HEATR4: variants seen among roughly 807,000 people sequenced by gnomAD.
HEATR4 encodes the protein HEAT repeat-containing protein 4.
Under a neutral mutation model 108.8 loss-of-function variants are expected in HEATR4, and 95 were observed. The ratio of observed to expected loss-of-function variants is 0.87; its 90% CI spans 0.74 to 1.04. The LOEUF (loss-of-function observed/expected upper bound fraction) is 1.04. Ranked by LOEUF, HEATR4 falls within the 50% of genes least tolerant of loss-of-function variation. The pLI is 0.00. For synonymous variants in HEATR4, 443 were observed against 459.4 expected (o/e 0.96, Z 0.46); for missense variants, 1,152 against 1,253.8 (o/e 0.92, Z 1.23).
chr14:73,492,190 G>A lies in HEATR4; in HGVS notation c.2844+876C>T, dbSNP rs1885815010. 5 of 1,613,996 alleles carry A rather than the reference G, an allele frequency of 3.1e-6. No homozygotes were observed. Among genetic ancestry groups the A allele is most frequent in the Non-Finnish European group, 4.2e-6 (5 of 1,179,886 alleles). ...GTGAGCCGGTGCTGCAGACCGTGCT[G>A]GAACCTGGAGATTTGCTGTATTTTC... On this transcript the variant is annotated intron_variant, in intron 17 of 17. Coordinates refer to ENST00000553558, the MANE Select transcript of HEATR4 (RefSeq NM_001220484.1). This position sits in a 1 kb window ranked among gnomAD's most constrained non-coding sequence, Gnocchi z 4.9.
chr14:73,601,519 G>A, the HEATR4 span, among the ~76,000 whole-genome samples: 61 of 152,284 alleles, frequency 4.0e-4, 1 homozygote, highest in African/African-American at 1.3e-3. Flanking sequence ...AGCTGAGATC[G>A]CGCCACTGCA....
chr14:73,483,640 G>A (rs770797632), intron 17 of HEATR4, among the ~76,000 whole-genome samples: 8 of 150,568 alleles, frequency 5.3e-5, no homozygotes, highest in East Asian at 1.9e-4. Flanking sequence ...AAATGTGAGC[G>A]TTTTTTTTTA....
intron 1 of HEATR4, chr14:73,537,981 T>C: frequency 1.0e-6 from 1 of 967,690 alleles, no homozygotes; most frequent in Non-Finnish European, 1.3e-6. Context: ...CTCTTTTCGC[T>C]TGTGTGTGTG....
chr14:73,565,144 T>C, the HEATR4 span, among the ~76,000 whole-genome samples: 3 of 152,032 alleles, frequency 2.0e-5, no homozygotes, highest in African/African-American at 7.2e-5. Flanking sequence ...TTTACACACA[T>C]TCATTAAGGT....
chr14:73,540,768 G>T (rs534310791), intron 1 of HEATR4, among the ~76,000 whole-genome samples: 4 of 103,770 alleles, frequency 3.9e-5, no homozygotes, highest in Non-Finnish European at 5.9e-5. Context: ...TTTTGAGACA[G>T]TGTCTCGCTC....
intron 17 of HEATR4, among the ~76,000 whole-genome samples, chr14:73,484,356 A>G (rs1885365254): frequency 6.6e-6 from 1 of 151,774 alleles, no homozygotes; most frequent in African/African-American, 2.4e-5. Context: ...CAGATGGCCT[A>G]TTCAAACTGT....
Position 73,492,623 on chromosome 14 carries a change from G to A in HEATR4, c.2844+443C>T. 1 of 1,614,024 alleles carries A rather than the reference G, an allele frequency of 6.2e-7. No individual in the cohort carries two copies. Among genetic ancestry groups the A allele is most frequent in the South Asian group, 1.1e-5 (1 of 91,078 alleles). On this transcript the variant is annotated intron_variant, in intron 17 of 17. Coordinates refer to ENST00000553558, the MANE Select transcript of HEATR4 (RefSeq NM_001220484.1). This position sits in a 1 kb window ranked among gnomAD's most constrained non-coding sequence, Gnocchi z 4.9. ...AATTCGCTGGGAGGCTGGAGAACCT[G>A]TAAACGTGGGGGCCCAGTTGACAAC... is the stretch of plus-strand genomic sequence containing the variant.
At chr14:73,506,804 G>GTTTTTTGTT (rs1886865394) in intron 9 of HEATR4, among the ~76,000 whole-genome samples, 1 of 80,522 alleles carries the variant, frequency 1.2e-5, no homozygotes, top group African/African-American at 4.9e-5. Context: ...GACTTTAACT[G>GTTTTTTGTT]TTTTTTTTTT....
chr14:73,552,718 A>C (rs143276131), intron 1 of HEATR4, among the ~76,000 whole-genome samples: 10,922 of 105,814 alleles, frequency 0.1, 2,934 homozygotes, highest in Admixed American at 0.26. Flanking sequence ...AGCACCCCAT[A>C]AACACTCCAG....
chr14:73,514,269 C>T (rs374151909), intron 5 of HEATR4, 35 bp from the exon 6 acceptor site: 120 of 1,595,172 alleles, frequency 7.5e-5, no homozygotes, highest in Non-Finnish European at 9.2e-5. Flanking sequence ...CTTTTCACCC[C>T]ACTGCCTTAG....
chr14:73,569,612 G>C, the HEATR4 span: 2 of 1,600,964 alleles, frequency 1.2e-6, no homozygotes, highest in South Asian at 2.2e-5. Context: ...AGCTGGACCT[G>C]GAGCGCGCGC....
intron 5 of HEATR4, among the ~76,000 whole-genome samples, chr14:73,515,463 T>A (rs986702868): frequency 1.3e-5 from 2 of 151,826 alleles, no homozygotes; most frequent in Admixed American, 1.3e-4. Context: ...GTGGATCACT[T>A]GAGGTCACAA....
chr14:73,498,109 G>A (rs1477416820), intron 14 of HEATR4, 46 bp downstream of exon 14: 14 of 1,527,550 alleles, frequency 9.2e-6, no homozygotes, highest in South Asian at 1.2e-5. Flanking sequence ...AGATGTGAGA[G>A]TTGGCAGTAT....
rs185597825 is a variant in HEATR4, at chr14:73,517,740, A to G, written c.1210+1283T>C. Among the ~76,000 whole-genome samples the G allele has an allele frequency of 2.0e-5, 3 of 151,084 alleles. No individual in the cohort carries two copies. The East Asian group carries it at 5.9e-4, about 29-fold the overall frequency. On this transcript the variant is annotated intron_variant, in intron 5 of 17. Transcript: ENST00000553558. ...AAGGGGGAAGAGAGGAAAGGGAGAC[A>G]TGAAGGAAGGAAAGGGAGAAGGAAA...
At chr14:73,479,053 C>G (rs891916368) in intron 17 of HEATR4, among the ~76,000 whole-genome samples, 5 of 152,096 alleles carry the variant, frequency 3.3e-5, no homozygotes, top group African/African-American at 1.2e-4. Flanking sequence ...ATTCTCTTGC[C>G]TCAGCCTCTG....
chr14:73,518,466 G>A (rs1407412761), intron 5 of HEATR4, among the ~76,000 whole-genome samples: 1 of 151,902 alleles, frequency 6.6e-6, no homozygotes, highest in Admixed American at 6.6e-5. Context: ...GCACACCACT[G>A]GGCCCATCTG....
At chr14:73,521,906 C>T (rs1012192955) in intron 3 of HEATR4, among the ~76,000 whole-genome samples, 30 of 152,220 alleles carry the variant, frequency 2.0e-4, no homozygotes, top group African/African-American at 6.0e-4. Flanking sequence ...GAGAACCAAT[C>T]CCTTTAAGAG....
intron 2 of HEATR4, among the ~76,000 whole-genome samples, chr14:73,528,391 T>TAAAAAAA (rs1566845046): frequency 1.0e-4 from 1 of 9,624 alleles, no homozygotes; most frequent in Non-Finnish European, 1.5e-4. Flanking sequence ...AAACTTCATC[T>TAAAAAAA]CAAAAAAAAA....
the HEATR4 span, among the ~76,000 whole-genome samples, chr14:73,626,094 CT>C: frequency 1.3e-5 from 2 of 152,200 alleles, no homozygotes; most frequent in Non-Finnish European, 2.9e-5. Context: ...ATCCTTATGG[CT>C]GATTTGGAGA....
Sources: gnomAD v4.1 joint callset for allele counts (sites outside exome capture counted in the v4.1 genomes callset) on GRCh38, gnomAD v4.1.1 for gene constraint, Gnocchi (gnomAD v3.1) non-coding constraint, MANE v1.5 for transcripts, NCBI Gene and HGNC (gene_info 2026-07-23, HGNC 2026-07-21) for gene names.